Variants in EPHB1 observed in about 807,000 individuals in gnomAD.
EPHB1 encodes ephrin type-B receptor 1.
A neutral mutation model predicts 94.4 loss-of-function variants in EPHB1; 30 were observed. The observed-to-expected ratio is 0.32, with a 90% CI of 0.24 to 0.43. The LOEUF is 0.43. Ranked by LOEUF, EPHB1 falls within the 20% of genes least tolerant of loss-of-function variation. The pLI is 1.00. For missense variants in EPHB1, 1,055 were observed against 1,308.3 expected, an observed-to-expected ratio of 0.81 and a Z score of 2.99; for synonymous variants, 522 against 489.1, an observed-to-expected ratio of 1.07 and a Z score of -0.89.
intron 12 of EPHB1, among the ~76,000 whole-genome samples, chr3:135,231,584 C>T (rs1943532349): frequency 1.3e-5 from 2 of 152,202 alleles, no homozygotes; most frequent in Non-Finnish European, 2.9e-5. Context: ...AAGGACCCCA[C>T]CCGATTGTAA....
chr3:135,174,159 C>T (rs900583407), intron 9 of EPHB1, among the ~76,000 whole-genome samples: 1 of 152,164 alleles, frequency 6.6e-6, no homozygotes, highest in African/African-American at 2.4e-5. Context: ...GCAAGATGAG[C>T]CCCCCGATGC....
chr3:134,891,066 A>G (rs1227870729), intron 1 of EPHB1, among the ~76,000 whole-genome samples: 3 of 152,200 alleles, frequency 2.0e-5, no homozygotes, highest in Non-Finnish European at 2.9e-5. Flanking sequence ...TGTTCCCACA[A>G]CAATGCTAAA....
intron 15 of EPHB1, among the ~76,000 whole-genome samples, chr3:135,257,747 C>T (rs370883275): frequency 5.4e-5 from 8 of 149,382 alleles, no homozygotes; most frequent in Middle Eastern, 3.5e-3. Flanking sequence ...CCACCCAGTT[C>T]GAGCTTCCCG....
chr3:135,179,179 T>C (rs1942078202), intron 9 of EPHB1, among the ~76,000 whole-genome samples: 1 of 152,216 alleles, frequency 6.6e-6, no homozygotes, highest in Non-Finnish European at 1.5e-5. Context: ...TTATTTGTTT[T>C]TCATACTTCA....
At chr3:135,161,837 A>G (rs1431195473) in intron 6 of EPHB1, among the ~76,000 whole-genome samples, 181 bp from the exon 7 acceptor site, 1 of 152,026 alleles carries the variant, frequency 6.6e-6, no homozygotes, top group Admixed American at 6.5e-5. Context: ...CTGACCCTAC[A>G]TTCCCTTGGC....
chr3:135,070,959 T>A (rs1937686341), intron 3 of EPHB1, among the ~76,000 whole-genome samples: 1 of 152,164 alleles, frequency 6.6e-6, no homozygotes, highest in South Asian at 2.1e-4. Flanking sequence ...CAAGTGTTCA[T>A]TATACTACAG....
chr3:135,034,018 A>G (rs1223630577), intron 3 of EPHB1, among the ~76,000 whole-genome samples: 1 of 151,910 alleles, frequency 6.6e-6, no homozygotes, highest in Non-Finnish European at 1.5e-5. Flanking sequence ...TTAAACATTC[A>G]TTATTCAGAA....
At chr3:135,237,312 A>G (rs1241223081) in intron 12 of EPHB1, among the ~76,000 whole-genome samples, 1 of 150,334 alleles carries the variant, frequency 6.7e-6, no homozygotes, top group African/African-American at 2.4e-5. Context: ...ACACACACAC[A>G]GACAGACACA....
intron 12 of EPHB1, among the ~76,000 whole-genome samples, chr3:135,217,259 A>C (rs1390432161): frequency 6.6e-6 from 1 of 152,042 alleles, no homozygotes. Context: ...GAGGATAGGC[A>C]TCACCGTGTC....
chr3:135,183,611 T>C (rs565588489), intron 10 of EPHB1, among the ~76,000 whole-genome samples: 2 of 152,170 alleles, frequency 1.3e-5, no homozygotes, highest in South Asian at 4.2e-4. Context: ...GATTGAGAGC[T>C]CAGATGAGGG....
intron 10 of EPHB1, among the ~76,000 whole-genome samples, chr3:135,183,006 TTTTCTTTTCTTTTCTTTTCTTTTC>T (rs1263999020): frequency 2.1e-4 from 13 of 63,032 alleles, no homozygotes; most frequent in African/African-American, 2.5e-4. Flanking sequence ...TTTTCTTTTC[TTTTCTTTTCTTTTCTTTTCTTTTC>T]TTTCTTTCTT....
rs1369179133 is a variant in EPHB1, at chr3:135,164,532, G to A, written c.1586-1436G>A. ...CTCACTTTAAGAAGTATTGTCAGTG[G>A]GCATGGTGGCTCACACCTCTAATCC... On this transcript the variant is annotated intron_variant, in intron 7 of 15. Transcript: ENST00000398015. Among the ~76,000 whole-genome samples, 6 of 152,118 alleles carry A rather than the reference G, an allele frequency of 3.9e-5. No homozygotes were observed. The East Asian group carries it at 1.2e-3, about 29-fold the overall frequency.
intron 1 of EPHB1, among the ~76,000 whole-genome samples, chr3:134,830,131 T>C (rs1174949811): frequency 2.6e-5 from 4 of 152,116 alleles, no homozygotes; most frequent in African/African-American, 9.7e-5. Context: ...TTTACCACGT[T>C]GTGCTCATTC....
chr3:135,106,591 G>A lies in EPHB1; in HGVS notation c.949G>A (p.Val317Met). Residue 317 changes from valine (V) to methionine (M), a missense_variant, in exon 4 of 16, where the codon GTG becomes ATG. Physicochemically the swap from Val to Met is conservative, Grantham distance 21. Transcript: ENST00000398015. ...YYRADFDPPE[V>M]ACTSVPSGPR... ...CCGAGCGGACTTTGACCCTCCAGAAGTGGCATGCACTAGTAAGTGTCTAGT... is the reference window on the plus strand; with the variant it reads ...CCGAGCGGACTTTGACCCTCCAGAAATGGCATGCACTAGTAAGTGTCTAGT... 1 of 1,614,018 alleles carries A rather than the reference G, an allele frequency of 6.2e-7. No homozygotes were observed. The highest frequency in any genetic ancestry group is 1.7e-5 in the Admixed American group (1 of 60,022).
intron 10 of EPHB1, among the ~76,000 whole-genome samples, chr3:135,181,423 T>G (rs1448710505): frequency 6.6e-6 from 1 of 152,220 alleles, no homozygotes; most frequent in Non-Finnish European, 1.5e-5. Context: ...TGCTGACATA[T>G]TTAAGGATCA....
At chr3:135,249,947 T>A (rs762754309) in intron 15 of EPHB1, among the ~76,000 whole-genome samples, 1 of 152,220 alleles carries the variant, frequency 6.6e-6, no homozygotes, top group Non-Finnish European at 1.5e-5. Context: ...CCCACAATTA[T>A]TTACCAGTCT....
At chr3:135,040,825 C>T (rs190822405) in intron 3 of EPHB1, among the ~76,000 whole-genome samples, 231 of 152,272 alleles carry the variant, frequency 1.5e-3, no homozygotes, top group Middle Eastern at 3.4e-3. Context: ...TTCTTAATAG[C>T]GTGACAAGGA....
chr3:135,191,086 C>T (rs1471096112), intron 10 of EPHB1, among the ~76,000 whole-genome samples: 2 of 117,214 alleles, frequency 1.7e-5, no homozygotes, highest in African/African-American at 6.4e-5. Flanking sequence ...AAAAACAAAA[C>T]AAAAAAAAAG....
chr3:134,882,765 C>CCTTTCTTTCTTCTTTCTTTCTTT lies in EPHB1; in HGVS notation c.59-43040_59-43039insCTTTCTTTCTTTCTTTCTTTCTT, dbSNP rs1553861898. On this transcript the variant is annotated intron_variant, in intron 1 of 15. Coordinates refer to ENST00000398015, the MANE Select transcript of EPHB1 (RefSeq NM_004441.5). ...TTCTTTCTTCCTTTCTTCCTTCCTT[C>CCTTTCTTTCTTCTTTCTTTCTTT]CTTTCTTTCTTTCTTTCTTTCTTTC... Among the ~76,000 whole-genome samples, 167 of 79,922 alleles carry CCTTTCTTTCTTCTTTCTTTCTTT rather than the reference C, an allele frequency of 2.1e-3. 9 individuals carry two copies. The highest frequency in any genetic ancestry group is 0.01 in the South Asian group (21 of 2,020). 52.4% of individuals were successfully genotyped at this position (79,922 alleles called of 152,430 possible). A position where few individuals can be genotyped will look rare whatever the true frequency, so the allele number is the denominator to read the frequency against.
Sources: gnomAD v4.1 joint callset for allele counts (sites outside exome capture counted in the v4.1 genomes callset) on GRCh38, gnomAD v4.1.1 for gene constraint, MANE v1.5 for transcripts, NCBI Gene and HGNC (gene_info 2026-07-23, HGNC 2026-07-21) for gene names.